The following ANKRD11 variants were observed in gnomAD, a reference collection of about 807,000 sequenced individuals.
ANKRD11 encodes the protein ankyrin repeat domain-containing protein 11.
ANKRD11 carries 17 observed loss-of-function variants against 195.7 expected under a neutral mutation model. The observed-to-expected ratio is 0.09, with a 90% CI of 0.06 to 0.13. The LOEUF (loss-of-function observed/expected upper bound fraction) is 0.13. Ranked by LOEUF, ANKRD11 falls within the 10% of genes least tolerant of loss-of-function variation. The pLI is 1.00. For missense variants in ANKRD11, 3,735 were observed against 3,566.1 expected, an observed-to-expected ratio of 1.05 and a Z score of -1.21; for synonymous variants, 1,953 against 1,528.1, an observed-to-expected ratio of 1.28 and a Z score of -6.49.
At chr16:89,488,328 G>C (rs965598298) in intron 1 of ANKRD11, among the ~76,000 whole-genome samples, 24 of 151,884 alleles carry the variant, frequency 1.6e-4, no homozygotes, top group Non-Finnish European at 3.2e-4. Context: ...CCTGCTCTTC[G>C]GGGAGAAACT....
At chr16:89,430,363 C>G (rs532438851) in intron 1 of ANKRD11, among the ~76,000 whole-genome samples, 5 of 147,466 alleles carry the variant, frequency 3.4e-5, no homozygotes, top group East Asian at 2.0e-4. Context: ...TCAACTCTCA[C>G]GCTCAGTCGT....
chr16:89,280,604 G>A lies in ANKRD11; in HGVS notation c.5938C>T (p.Leu1980=), dbSNP rs771142694. The part of the protein sequence containing the change: ...PVSWPVGSDL[L]LKSPQRFPES... The stretch of plus-strand genomic sequence containing the variant: ...GGGAATCTCTGTGGAGACTTCAGCA[G>A]GAGGTCCGAGCCCACAGGCCAGCTC... Residue 1980 remains leucine, a synonymous_variant, in exon 9 of 13, where the codon CTG becomes TTG. Coordinates refer to ENST00000301030, the MANE Select transcript of ANKRD11 (RefSeq NM_013275.6). 5.6e-6 allele frequency: 9 copies of A among 1,613,396 alleles called. No homozygotes were observed. The highest frequency in any genetic ancestry group is 4.0e-5 in the African/African-American group (3 of 74,936).
chr16:89,371,893 C>T (rs1044826559), intron 2 of ANKRD11, among the ~76,000 whole-genome samples: 2 of 152,226 alleles, frequency 1.3e-5, no homozygotes, highest in Non-Finnish European at 1.5e-5. Flanking sequence ...TGTGACTCCA[C>T]TGGCATCAAG....
chr16:89,331,827 T>C (rs1009230263), intron 2 of ANKRD11, among the ~76,000 whole-genome samples: 2 of 152,198 alleles, frequency 1.3e-5, no homozygotes, highest in African/African-American at 4.8e-5. Flanking sequence ...GATACGGTGA[T>C]GGTTTTGAAT....
At chr16:89,390,857 T>C (rs1001475998) in intron 2 of ANKRD11, among the ~76,000 whole-genome samples, 2 of 152,184 alleles carry the variant, frequency 1.3e-5, no homozygotes, top group Non-Finnish European at 1.5e-5. Context: ...TGACTGTGCA[T>C]ATCCTTTGCA....
At position 89,478,286 on chromosome 16, in the gene ANKRD11, C is replaced by T. The variant is rs536091142; in HGVS notation, c.-145+11959G>A. Among the ~76,000 whole-genome samples, 22 of 152,074 alleles carry T rather than the reference C, an allele frequency of 1.4e-4. No individual in the cohort carries two copies. In the South Asian group the frequency reaches 4.2e-3, roughly 29 times the overall value. Reference sequence around the variant, plus strand: ...CCAGGGTCCAGGAAACAGACATGCACGTCGGACTATCACCCTAGTGAGAAA... The same window carrying T: ...CCAGGGTCCAGGAAACAGACATGCATGTCGGACTATCACCCTAGTGAGAAA... On this transcript the variant is annotated intron_variant, in intron 1 of 12. Coordinates refer to ENST00000301030, the MANE Select transcript of ANKRD11 (RefSeq NM_013275.6).
chr16:89,482,288 C>T (rs375234354), intron 1 of ANKRD11, among the ~76,000 whole-genome samples: 5 of 152,294 alleles, frequency 3.3e-5, no homozygotes, highest in African/African-American at 1.2e-4. Flanking sequence ...GTCAGCCACA[C>T]CGTGCTTTAC....
At chr16:89,467,383 A>C (rs1314399394) in intron 1 of ANKRD11, among the ~76,000 whole-genome samples, 1 of 152,192 alleles carries the variant, frequency 6.6e-6, no homozygotes, top group East Asian at 1.9e-4. Context: ...TTGAGGCTGC[A>C]GTGAGCTGTG....
At chr16:89,362,832 T>C (rs1047492646) in intron 2 of ANKRD11, among the ~76,000 whole-genome samples, 4 of 152,150 alleles carry the variant, frequency 2.6e-5, no homozygotes, top group African/African-American at 9.7e-5. Context: ...CACAAATTAC[T>C]TCCTCCTTCC....
intron 2 of ANKRD11, among the ~76,000 whole-genome samples, chr16:89,360,958 C>G (rs1159434498): frequency 6.6e-6 from 1 of 152,178 alleles, no homozygotes; most frequent in African/African-American, 2.4e-5. Context: ...TGCTCTGCAT[C>G]AGGTGAGAGG....
At chr16:89,372,019 AT>A (rs1035182527) in intron 2 of ANKRD11, among the ~76,000 whole-genome samples, 11 of 152,206 alleles carry the variant, frequency 7.2e-5, no homozygotes, top group Admixed American at 2.6e-4. Flanking sequence ...GGCCAAGAAC[AT>A]GGTGAAGCCA....
intron 1 of ANKRD11, among the ~76,000 whole-genome samples, chr16:89,431,699 T>C (rs2042985294): frequency 6.6e-6 from 1 of 152,194 alleles, no homozygotes; most frequent in African/African-American, 2.4e-5. Flanking sequence ...CACCTGCCTC[T>C]GGCTTTAACG....
chr16:89,281,070 G>A lies in ANKRD11; in HGVS notation c.5472C>T (p.Pro1824=). Residue 1824 remains proline (P), a synonymous_variant, in exon 9 of 13, where the codon CCC becomes CCT. Coordinates refer to ENST00000301030, the MANE Select transcript of ANKRD11 (RefSeq NM_013275.6). The surrounding 1 kb of genome is among the most constrained non-coding windows in gnomAD (Gnocchi z 5.5). ...CCCTGTCTTCCATCGAGGGTGGCAT[G>A]GGAGAGTCGTAGCTGGAGGCAGCAG... ...SVPAASSYDS[P]MPPSMEDRAP... 1.9e-6 allele frequency: 3 copies of A among 1,607,936 alleles called. No individual in the cohort carries two copies. The highest frequency in any genetic ancestry group is 1.7e-6 in the Non-Finnish European group (2 of 1,175,604).
chr16:89,306,583 C>T (rs1597561588), intron 3 of ANKRD11, among the ~76,000 whole-genome samples: 1 of 108,900 alleles, frequency 9.2e-6, no homozygotes, highest in African/African-American at 3.7e-5. Flanking sequence ...ACCTCCCACT[C>T]CGCAGACACG....
chr16:89,339,531 G>A (rs1362833248), intron 2 of ANKRD11, among the ~76,000 whole-genome samples: 5 of 152,048 alleles, frequency 3.3e-5, no homozygotes, highest in African/African-American at 1.2e-4. Flanking sequence ...AAACCATTTC[G>A]GAAATTTAGA....
At chr16:89,463,025 A>G (rs2056749237) in intron 1 of ANKRD11, among the ~76,000 whole-genome samples, 1 of 145,402 alleles carries the variant, frequency 6.9e-6, no homozygotes, top group African/African-American at 2.6e-5. Flanking sequence ...CCGCCAGGCC[A>G]GCCGCCCCAT....
At chr16:89,464,731 G>C (rs757559591) in intron 1 of ANKRD11, among the ~76,000 whole-genome samples, 10 of 151,938 alleles carry the variant, frequency 6.6e-5, no homozygotes, top group Middle Eastern at 3.4e-3. Context: ...TAAATTAACA[G>C]AAAGTAAATG....
At position 89,283,939 on chromosome 16, in the gene ANKRD11, A is replaced by C; in HGVS notation, c.2603T>G (p.Met868Arg). 1 of 1,614,064 alleles carries C rather than the reference A, an allele frequency of 6.2e-7. No homozygotes were observed. Among genetic ancestry groups the C allele is most frequent in the South Asian group, 1.1e-5 (1 of 91,080 alleles). Residue 868 changes from methionine to arginine, a missense_variant, in exon 9 of 13, where the codon ATG becomes AGG. By Grantham distance (91) the Met-to-Arg change is moderately conservative (BLOSUM62 -1). Coordinates refer to ENST00000301030, the MANE Select transcript of ANKRD11 (RefSeq NM_013275.6). The surrounding 1 kb of genome is among the most constrained non-coding windows in gnomAD (Gnocchi z 4.3). ...GAGCTTGGCCACAGAGTCGCTCTTCATGTCCCTGTAGTCTGTCACTGGCGA... is the reference window on the plus strand; with the variant it reads ...GAGCTTGGCCACAGAGTCGCTCTTCCTGTCCCTGTAGTCTGTCACTGGCGA... Reference protein sequence around the residue: ...WDSPVTDYRDMKSDSVAKLIL... With the variant: ...WDSPVTDYRDRKSDSVAKLIL...
chr16:89,324,645 C>T (rs1010767005), intron 2 of ANKRD11: 39 of 384,874 alleles, frequency 1.0e-4, no homozygotes, highest in Middle Eastern at 4.9e-4. Flanking sequence ...AGTCTTCCAG[C>T]CTCCATCTTT....
Sources: gnomAD v4.1 joint callset for allele counts (sites outside exome capture counted in the v4.1 genomes callset) on GRCh38, gnomAD v4.1.1 for gene constraint, Gnocchi (gnomAD v3.1) non-coding constraint, MANE v1.5 for transcripts, NCBI Gene and HGNC (gene_info 2026-07-23, HGNC 2026-07-21) for gene names.